BRCA2: variants seen among roughly 807,000 people sequenced by gnomAD.
The protein encoded by BRCA2 is breast cancer type 2 susceptibility protein.
A neutral mutation model predicts 276.7 loss-of-function variants in BRCA2; 203 were observed. The observed-to-expected ratio is 0.73, with a 90% CI of 0.65 to 0.82. The LOEUF (loss-of-function observed/expected upper bound fraction) is 0.82. Among genes scored for constraint, BRCA2 ranks in the 40% least tolerant of loss-of-function variants. The pLI is 0.00. For missense variants in BRCA2, 3,920 were observed against 3,915.0 expected (o/e 1.00, Z -0.03); for synonymous variants, 1,289 against 1,338.4 (o/e 0.96, Z 0.81).
At position 32,362,539 on chromosome 13, in the gene BRCA2, C is replaced by G. The variant is rs879255308; in HGVS notation, c.7822C>G (p.Pro2608Ala). 7 of 1,613,692 alleles carry G rather than the reference C, an allele frequency of 4.3e-6. No individual in the cohort carries two copies. Among genetic ancestry groups the G allele is most frequent in the Non-Finnish European group, 5.1e-6 (6 of 1,179,804 alleles). The change falls in exon 17 of 27, where the codon CCA (proline) becomes GCA (alanine). Residue 2608 changes from proline to alanine, a missense_variant. Coordinates refer to ENST00000380152, the MANE Select transcript of BRCA2 (RefSeq NM_000059.4). ...EEFYRALCDT[P>A]GVDPKLISRI... ...TTTGTTCAGGGCTCTGTGTGACACT[C>G]CAGGTGTGGATCCAAAGCTTATTTC...
Position 32,363,355 on chromosome 13 carries a change from T to C in BRCA2, c.8153T>C (p.Ile2718Thr), listed in dbSNP as rs80359060. 10 of 1,614,022 alleles carry C rather than the reference T, an allele frequency of 6.2e-6. No homozygotes were observed. The Admixed American group carries it at 1.2e-4, about 19-fold the overall frequency. ...AGTGCAGATACCCAAAAAGTGGCCA[T>C]TATTGAACTTACAGATGGGTGGTAT... The part of the protein sequence containing the change: ...TSSADTQKVA[I>T]IELTDGWYAV... The change falls in exon 18 of 27, where the codon ATT (isoleucine) becomes ACT (threonine). Residue 2718 changes from isoleucine (I) to threonine (T), a missense_variant. This residue lies in a region of BRCA2 where 3,263 missense variants were observed against 3,156.9 expected (regional missense o/e 1.03). Transcript: ENST00000380152.
intron 18 of BRCA2, among the ~76,000 whole-genome samples, chr13:32,366,257 A>G (rs11571730): frequency 6.6e-6 from 1 of 152,310 alleles, no homozygotes; most frequent in African/African-American, 2.4e-5. Context: ...CAACTATAAA[A>G]TGAAACAAAA....
intron 17 of BRCA2, among the ~76,000 whole-genome samples, 163 bp downstream of exon 17, chr13:32,362,856 A>G (rs1435609227): frequency 6.6e-6 from 1 of 151,966 alleles, no homozygotes; most frequent in African/African-American, 2.4e-5. Flanking sequence ...CATTTAAGAG[A>G]GATCACACAT....
At chr13:32,395,960 CTTTTTTTTT>C (rs397838402) in intron 25 of BRCA2, 9 of 79,196 alleles carry the variant, frequency 1.1e-4, no homozygotes, top group Admixed American at 2.1e-4. Context: ...TTCTTTCTTT[CTTTTTTTTT>C]TTTTTTTTTT....
chr13:32,359,724 C>A (rs1219886458), intron 16 of BRCA2, among the ~76,000 whole-genome samples: 1 of 152,082 alleles, frequency 6.6e-6, no homozygotes, highest in Non-Finnish European at 1.5e-5. Flanking sequence ...GTTGGTTAAA[C>A]GGTTGTATTA....
At chr13:32,362,477 C>T (rs1310543509) in intron 16 of BRCA2, 46 bp from the exon 17 acceptor site, 1 of 1,549,548 alleles carries the variant, frequency 6.5e-7, no homozygotes, top group Non-Finnish European at 8.9e-7. Flanking sequence ...AATTCAGTAT[C>T]ATCCTATGTG....
rs771281004 is a variant in BRCA2 at position 32,394,647 on chromosome 13, A to T, written c.9257-42A>T. 6 of 1,593,582 alleles carry T rather than the reference A, an allele frequency of 3.8e-6. 1 individual carries two copies. In the South Asian group the frequency reaches 5.6e-5, roughly 15 times the overall value. On this transcript the variant is annotated intron_variant, in intron 24 of 26. Transcript: ENST00000380152. ...TTTCTTGCATCTTAAAATTCATCTA[A>T]CACATCTATAATAACATTCTTTTCT...
In BRCA2 at chr13:32,340,940, TAA is replaced by T. The variant is rs397507868; in HGVS notation, c.6588_6589del (p.Lys2196AsnfsTer2). 4.3e-6 allele frequency: 7 copies of T among 1,610,334 alleles called. No homozygotes were observed. Among genetic ancestry groups the T allele is most frequent in the Non-Finnish European group, 5.9e-6 (7 of 1,179,178 alleles). On this transcript the variant is annotated frameshift_variant, in exon 11 of 27. Coordinates refer to ENST00000380152, the MANE Select transcript of BRCA2 (RefSeq NM_000059.4). LOFTEE classifies it high-confidence loss of function. ...SPKNVKMEIG[K>X]TETFSDVPVK... ...CTAAAAACGTAAAAATGGAAATTGG[TAA>T]AACTGAAACTTTTTCTGATGTTCCT...
intron 24 of BRCA2, among the ~76,000 whole-genome samples, chr13:32,382,166 A>G (rs535166273): frequency 2.0e-5 from 3 of 152,122 alleles, no homozygotes; most frequent in Non-Finnish European, 4.4e-5. Context: ...GTTAGCCAGA[A>G]TGGTCTCGAT....
chr13:32,389,410 A>T (rs2072982221), intron 24 of BRCA2, among the ~76,000 whole-genome samples: 1 of 152,154 alleles, frequency 6.6e-6, no homozygotes, highest in Admixed American at 6.5e-5. Flanking sequence ...TGATGCTCTG[A>T]GAGTCTTCCT....
rs1026958190 is a variant in BRCA2 at position 32,344,758 on chromosome 13, A to C, written c.6937+105A>C. 8.8e-6 allele frequency: 7 copies of C among 792,836 alleles called. No individual in the cohort carries two copies. In the Admixed American group the frequency reaches 1.6e-4, roughly 18 times the overall value. 49.1% of individuals were successfully genotyped at this position (792,836 alleles called of 1,614,324 possible). A position where few individuals can be genotyped will look rare whatever the true frequency, so the allele number is the denominator to read the frequency against. On this transcript the variant is annotated intron_variant, in intron 12 of 26. Coordinates refer to ENST00000380152, the MANE Select transcript of BRCA2 (RefSeq NM_000059.4). ...GCCTCTCAAAGTGCTGGGATTACAG[A>C]CATGAGCCACTGTGCCTAATCAAGG...
chr13:32,363,876 T>C (rs1381486391), intron 18 of BRCA2, among the ~76,000 whole-genome samples: 2 of 152,250 alleles, frequency 1.3e-5, no homozygotes, highest in Non-Finnish European at 2.9e-5. Flanking sequence ...ATTTTAGTAC[T>C]TTTCAAATAT....
In BRCA2 at chr13:32,398,506, TTC is replaced by T. The variant is rs730881621; in HGVS notation, c.9997_9998del (p.Leu3333PhefsTer4). ...CTCCATTTAAAAAATTCAATGAAAT[TTC>T]TCTTTTGGAAAGTAATTCAATAGCT... ...MTPFKKFNEI[S>X]LLESNSIADE... On this transcript the variant is annotated frameshift_variant, in exon 27 of 27. Coordinates refer to ENST00000380152, the MANE Select transcript of BRCA2 (RefSeq NM_000059.4). LOFTEE classifies it low-confidence loss of function (END_TRUNC). 12 of 1,614,020 alleles carry T rather than the reference TTC, an allele frequency of 7.4e-6. No individual in the cohort carries two copies. In the African/African-American group the frequency reaches 1.6e-4, roughly 22 times the overall value.
intron 16 of BRCA2, among the ~76,000 whole-genome samples, chr13:32,358,685 C>A (rs2072718122): frequency 6.6e-6 from 1 of 151,556 alleles, no homozygotes; most frequent in African/African-American, 2.4e-5. Context: ...GTAGTCCCAA[C>A]ACTTCGGAAG....
intron 20 of BRCA2, among the ~76,000 whole-genome samples, chr13:32,372,400 T>C (rs974377981): frequency 6.6e-6 from 1 of 152,198 alleles, no homozygotes; most frequent in Non-Finnish European, 1.5e-5. Context: ...TTAATTGACT[T>C]ACAGTTCCAC....
rs80358930 is a variant in BRCA2 at position 32,354,904 on chromosome 13, G to C, written c.7051G>C (p.Ala2351Pro). 6 of 1,613,252 alleles carry C rather than the reference G, an allele frequency of 3.7e-6. No individual in the cohort carries two copies. Among genetic ancestry groups the C allele is most frequent in the Middle Eastern group, 1.6e-4 (1 of 6,078 alleles). Residue 2351 changes from alanine to proline, a missense_variant, in exon 14 of 27, where the codon GCA (alanine) becomes CCA (proline). Coordinates refer to ENST00000380152, the MANE Select transcript of BRCA2 (RefSeq NM_000059.4). ...RQEIQNPNFT[A>P]PGQEFLSKSH... ...AGAGATACAGAATCCAAATTTTACC[G>C]CACCTGGTCAAGAATTTCTGTCTAA...
intron 24 of BRCA2, among the ~76,000 whole-genome samples, chr13:32,388,666 C>CTTT (rs66813254): frequency 0.21 from 30,299 of 146,124 alleles, 3,538 homozygotes; most frequent in South Asian, 0.29. Flanking sequence ...AATGCATTTT[C>CTTT]TTTTTTTTTT....
At chr13:32,384,146 A>G (rs1314331954) in intron 24 of BRCA2, among the ~76,000 whole-genome samples, 2 of 152,206 alleles carry the variant, frequency 1.3e-5, no homozygotes. Context: ...GAGGTTCAAA[A>G]CTGAGTGTTT....
intron 3 of BRCA2, among the ~76,000 whole-genome samples, chr13:32,323,121 G>A (rs2072317341): frequency 6.6e-6 from 1 of 151,164 alleles, no homozygotes; most frequent in Non-Finnish European, 1.5e-5. Context: ...TAACAAGTGT[G>A]TAGTGGTACC....
Sources: gnomAD v4.1 joint callset for allele counts (sites outside exome capture counted in the v4.1 genomes callset) on GRCh38, gnomAD v4.1.1 for gene constraint, gnomAD v4.1.1 regional missense constraint, MANE v1.5 for transcripts, NCBI Gene and HGNC (gene_info 2026-07-23, HGNC 2026-07-21) for gene names.